Variants in FRMD4A observed in about 807,000 individuals in gnomAD.
FRMD4A encodes FERM domain containing 4A, also known as FERM domain-containing protein 4A.
Under a neutral mutation model 129.1 loss-of-function variants are expected in FRMD4A, and 29 were observed. The observed-to-expected ratio is 0.22, with a 90% CI of 0.17 to 0.31. The LOEUF (loss-of-function observed/expected upper bound fraction) is 0.31. Among genes scored for constraint, FRMD4A ranks in the 10% least tolerant of loss-of-function variants. FRMD4A has a pLI of 1.00. For synonymous variants in FRMD4A, 634 were observed against 571.6 expected, an observed-to-expected ratio of 1.11 and a Z score of -1.56; for missense variants, 1,272 against 1,375.8, an observed-to-expected ratio of 0.92 and a Z score of 1.19.
intron 2 of FRMD4A, among the ~76,000 whole-genome samples, chr10:13,948,344 G>A (rs1338693484): frequency 6.6e-6 from 1 of 152,042 alleles, no homozygotes; most frequent in Non-Finnish European, 1.5e-5. Flanking sequence ...GAGCCACTGT[G>A]CCCAGCCTGA....
intron 12 of FRMD4A, chr10:13,710,306 G>A (rs929578494): frequency 6.6e-6 from 1 of 152,234 alleles, no homozygotes; most frequent in African/African-American, 2.4e-5. Context: ...TGTTTCCCTG[G>A]CAACTCCTGT....
chr10:14,211,095 T>G (rs900099956), intron 2 of FRMD4A, among the ~76,000 whole-genome samples: 1 of 152,194 alleles, frequency 6.6e-6, no homozygotes, highest in Non-Finnish European at 1.5e-5. Flanking sequence ...TTAGAAGAAC[T>G]AGGTTCCTAT....
chr10:13,694,606 T>C (rs572876353), intron 14 of FRMD4A, among the ~76,000 whole-genome samples: 1 of 152,216 alleles, frequency 6.6e-6, no homozygotes, highest in Non-Finnish European at 1.5e-5. Flanking sequence ...TAGTTTGCCA[T>C]GTGGTCATGG....
chr10:14,237,767 T>C (rs1843881052), intron 2 of FRMD4A, among the ~76,000 whole-genome samples: 1 of 152,206 alleles, frequency 6.6e-6, no homozygotes, highest in African/African-American at 2.4e-5. Flanking sequence ...ATGCTCTTCA[T>C]TATGTTGACC....
At chr10:13,962,116 A>G (rs900692165) in intron 2 of FRMD4A, among the ~76,000 whole-genome samples, 2 of 152,228 alleles carry the variant, frequency 1.3e-5, no homozygotes, top group Admixed American at 1.3e-4. Context: ...GAATTTAGCC[A>G]CTTGGCTTCC....
At chr10:13,685,037 C>T in intron 15 of FRMD4A, 2 of 984,860 alleles carry the variant, frequency 2.0e-6, no homozygotes, top group Non-Finnish European at 1.2e-6. Context: ...GTGATGAATT[C>T]CTTACATAAA....
chr10:13,660,702 C>T, intron 19 of FRMD4A, 149 bp from the exon 20 acceptor site: 2 of 574,240 alleles, frequency 3.5e-6, no homozygotes, highest in Non-Finnish European at 3.1e-6. Context: ...GAAACTCTTC[C>T]CCAGTTGCCA....
chr10:13,899,562 C>T (rs1201903670), intron 2 of FRMD4A, among the ~76,000 whole-genome samples: 2 of 152,066 alleles, frequency 1.3e-5, no homozygotes, highest in Non-Finnish European at 2.9e-5. Context: ...TTCTGGCAGG[C>T]TGAGGTGGGA....
At chr10:13,971,972 C>T in intron 2 of FRMD4A, 1 of 1,194,152 alleles carries the variant, frequency 8.4e-7, no homozygotes, top group Non-Finnish European at 1.1e-6. Context: ...CCCTCACCAC[C>T]ACCCTCACTA....
At chr10:14,119,618 T>C (rs1255665439) in intron 2 of FRMD4A, among the ~76,000 whole-genome samples, 1 of 152,172 alleles carries the variant, frequency 6.6e-6, no homozygotes, top group Non-Finnish European at 1.5e-5. Flanking sequence ...CTGTGATTAA[T>C]GGAGGCCTGT....
intron 2 of FRMD4A, among the ~76,000 whole-genome samples, chr10:14,236,551 C>G (rs1843821551): frequency 1.3e-5 from 2 of 152,270 alleles, no homozygotes; most frequent in East Asian, 3.9e-4. Flanking sequence ...TCACCACCTG[C>G]CCTGCCAGGG....
chr10:13,897,936 C>A (rs1369038260), intron 2 of FRMD4A, among the ~76,000 whole-genome samples: 61 of 72,286 alleles, frequency 8.4e-4, no homozygotes, highest in East Asian at 1.5e-3. Context: ...GACTCCGACT[C>A]AAAAAAAAAA....
chr10:13,744,334 C>T (rs2091179951), intron 9 of FRMD4A, among the ~76,000 whole-genome samples: 1 of 152,120 alleles, frequency 6.6e-6, no homozygotes, highest in Non-Finnish European at 1.5e-5. Flanking sequence ...TAACTTTCTG[C>T]CTCAGTTGCC....
chr10:14,061,728 G>A (rs1033693510), intron 2 of FRMD4A, among the ~76,000 whole-genome samples: 1 of 152,174 alleles, frequency 6.6e-6, no homozygotes. Flanking sequence ...GAGATGCATA[G>A]GAGGAAATAC....
intron 2 of FRMD4A, among the ~76,000 whole-genome samples, chr10:14,287,137 C>G (rs1013477123): frequency 3.7e-5 from 4 of 107,076 alleles, no homozygotes; most frequent in Non-Finnish European, 5.5e-5. Flanking sequence ...CTTTGACAGG[C>G]CCCCCGCTCC....
chr10:14,277,199 CAGA>C (rs1485965637), intron 2 of FRMD4A, among the ~76,000 whole-genome samples: 3 of 152,274 alleles, frequency 2.0e-5, no homozygotes, highest in Admixed American at 2.0e-4. Context: ...ATGAGATTCT[CAGA>C]AGAAGCCCTC....
chr10:13,965,926 C>T (rs929396416), intron 2 of FRMD4A, among the ~76,000 whole-genome samples: 2 of 152,152 alleles, frequency 1.3e-5, no homozygotes, highest in Admixed American at 1.3e-4. Flanking sequence ...ACACACATTC[C>T]TTTTCTGAAT....
chr10:14,107,636 C>T (rs114233576), intron 2 of FRMD4A, among the ~76,000 whole-genome samples: 1,671 of 152,168 alleles, frequency 0.011, 32 homozygotes, highest in African/African-American at 0.038. Context: ...GTGAACTTTG[C>T]TGTATTTTAA....
At position 14,330,045 on chromosome 10, in the gene FRMD4A, T is replaced by G. The variant is rs200158468; in HGVS notation, c.45+13A>C. 1 of 1,552,080 alleles carries G rather than the reference T, an allele frequency of 6.4e-7. No individual in the cohort carries two copies. Among genetic ancestry groups the G allele is most frequent in the East Asian group, 2.4e-5 (1 of 40,986 alleles). Reference sequence around the variant, plus strand: ...GACGCTGCCCGGGCCCCACCTCCTGTCTGAACACTCACCATCAGCAGGCCG... The same window carrying G: ...GACGCTGCCCGGGCCCCACCTCCTGGCTGAACACTCACCATCAGCAGGCCG... On this transcript the variant is annotated intron_variant, in intron 2 of 24. Transcript: ENST00000357447.
Sources: allele counts gnomAD v4.1 joint callset (sites outside exome capture counted in the v4.1 genomes callset), GRCh38; gene constraint gnomAD v4.1.1; transcripts MANE v1.5; gene names NCBI Gene and HGNC (gene_info 2026-07-23, HGNC 2026-07-21).